CD70: variants seen among roughly 807,000 people sequenced by gnomAD.
CD70 encodes the protein CD70 molecule.
A neutral mutation model predicts 9.0 loss-of-function variants in CD70; 6 were observed. The observed-to-expected ratio is 0.67, with a 90% confidence interval of 0.37 to 1.32. The LOEUF is 1.32. Among genes scored for constraint, CD70 ranks in the 40% most tolerant of loss-of-function variants. The pLI, the probability that CD70 is intolerant of heterozygous loss-of-function variation, is 0.02. For synonymous variants in CD70, 108 were observed against 112.3 expected (o/e 0.96, Z 0.24); for missense variants, 235 against 258.7 (o/e 0.91, Z 0.63).
In CD70 at chr19:6,586,313, G is replaced by A. The variant is rs750046562; in HGVS notation, c.289C>T (p.Arg97Cys). ...ATGTAGATGCCATCACGATGGATAC[G>A]TAGCTGCCCCTTGTCCAGCTCTGGT... ...HGPELDKGQL[R>C]IHRDGIYMVH... The change falls in exon 3 of 3, where the codon CGT (arginine) becomes TGT (cysteine). Residue 97 changes from arginine to cysteine, a missense_variant. By Grantham distance (180) the Arg-to-Cys change is radical. Coordinates refer to ENST00000245903, the MANE Select transcript of CD70 (RefSeq NM_001252.5). The A allele has an allele frequency of 8.7e-6, 14 of 1,613,558 alleles. No individual in the cohort carries two copies. The highest frequency in any genetic ancestry group is 1.7e-5 in the Admixed American group (1 of 59,994).
downstream of CD70, among the ~76,000 whole-genome samples, chr19:6,585,101 C>T (rs796872525): frequency 8.1e-4 from 124 of 152,228 alleles, no homozygotes; most frequent in African/African-American, 2.3e-3. Context: ...ATTCTCCTGC[C>T]TCAGCCTCCT....
At chr19:6,587,263 AGAGT>A (rs1247831518) in intron 2 of CD70, among the ~76,000 whole-genome samples, 2 of 148,292 alleles carry the variant, frequency 1.3e-5, no homozygotes, top group Non-Finnish European at 3.0e-5. Context: ...AGTGCACGAG[AGAGT>A]GAGAGAGAGC....
chr19:6,586,412 GCA>G lies in CD70; in HGVS notation c.197-9_197-8del. On this transcript the variant is annotated splice_polypyrimidine_tract_variant and splice_region_variant and intron_variant, in intron 2 of 2. Transcript: ENST00000245903. ...CTGGGGTCCTGCTGAGGTCCTGGGG[GCA>G]CAGGGTTAGAGGGATGAGAGGATGG... The G allele has an allele frequency of 6.2e-7, 1 of 1,602,802 alleles. No homozygotes were observed. Among genetic ancestry groups the G allele is most frequent in the African/African-American group, 1.3e-5 (1 of 74,856 alleles).
chr19:6,585,243 CA>C (rs768558885), downstream of CD70, among the ~76,000 whole-genome samples: 96 of 152,182 alleles, frequency 6.3e-4, no homozygotes, highest in African/African-American at 1.2e-3. Context: ...CCTGGCCTCC[CA>C]ACTCATTAGG....
intron 2 of CD70, 113 bp downstream of exon 2, chr19:6,589,990 C>T (rs1916121168): frequency 6.1e-6 from 5 of 825,810 alleles, no homozygotes; most frequent in South Asian, 1.5e-5. Context: ...TCTCTCCCTC[C>T]GTCTCTGTCT....
intron 2 of CD70, among the ~76,000 whole-genome samples, chr19:6,586,902 CAAAAAAAA>C (rs55803401): frequency 2.3e-5 from 2 of 85,330 alleles, no homozygotes; most frequent in Admixed American, 3.2e-4. Flanking sequence ...GAGAGAGAGA[CAAAAAAAA>C]AAAAAAAAAA....
At position 6,590,274 on chromosome 19, in the gene CD70, C is replaced by T. The variant is rs1443985877; in HGVS notation, c.163-138G>A. The T allele has an allele frequency of 7.3e-6, 5 of 687,194 alleles. No homozygotes were observed. The highest frequency in any genetic ancestry group is 2.3e-5 in the Admixed American group (1 of 42,824). The allele number at this position is 687,194 out of a possible 1,614,324, so 42.6% of individuals were successfully genotyped here. A position where few individuals can be genotyped will look rare whatever the true frequency, so the allele number is the denominator to read the frequency against. ...ACGGCGCGCACTGGTGATTTTATTT[C>T]ATTTTATTTTTTTTTACTCTTAAGA... On this transcript the variant is annotated intron_variant, in intron 1 of 2. Coordinates refer to ENST00000245903, the MANE Select transcript of CD70 (RefSeq NM_001252.5). This position sits in a 1 kb window ranked among gnomAD's most constrained non-coding sequence, Gnocchi z 5.3.
chr19:6,584,791 A>G (rs1915983817), downstream of CD70, among the ~76,000 whole-genome samples: 1 of 151,468 alleles, frequency 6.6e-6, no homozygotes, highest in Non-Finnish European at 1.5e-5. Context: ...GCTTGAGCCC[A>G]GGAGTTTGAG....
rs780891040 is a variant in CD70, at chr19:6,586,003, C to T, written c.*17G>A. ...AAAATAAAATAAAATTTAAAAAACC[C>T]TAATCAGCAGCAGTGGTCAGGGGCG... On this transcript the variant is annotated 3_prime_UTR_variant, in exon 3 of 3. Coordinates refer to ENST00000245903, the MANE Select transcript of CD70 (RefSeq NM_001252.5). 9 of 1,564,164 alleles carry T rather than the reference C, an allele frequency of 5.8e-6. No individual in the cohort carries two copies. The South Asian group carries it at 7.0e-5, about 12-fold the overall frequency.
At chr19:6,587,235 C>T (rs573821130) in intron 2 of CD70, among the ~76,000 whole-genome samples, 7 of 135,996 alleles carry the variant, frequency 5.1e-5, no homozygotes, top group African/African-American at 1.4e-4. Flanking sequence ...AGAGAGAGGA[C>T]GAGAGAGCTT....
At chr19:6,584,492 C>T (rs888918490), downstream of CD70, among the ~76,000 whole-genome samples, 11 of 140,944 alleles carry the variant, frequency 7.8e-5, no homozygotes, top group Admixed American at 2.8e-4. Context: ...GACAACAGGG[C>T]GAGACTCCAT....
chr19:6,585,579 C>T (rs540347951), downstream of CD70, among the ~76,000 whole-genome samples: 6 of 152,162 alleles, frequency 3.9e-5, no homozygotes, highest in South Asian at 2.1e-4. Flanking sequence ...TAGGCTCAAG[C>T]GATCTGCCTT....
At chr19:6,588,542 G>A (rs996425137) in intron 2 of CD70, among the ~76,000 whole-genome samples, 9 of 152,128 alleles carry the variant, frequency 5.9e-5, no homozygotes, top group African/African-American at 2.2e-4. Context: ...AGGAAGAAGC[G>A]TTCGAGAGAG....
rs1479143049 is a variant in CD70, at chr19:6,591,103, G to A, written c.-101C>T. 1.5e-6 allele frequency: 2 copies of A among 1,314,540 alleles called. No homozygotes were observed. Among genetic ancestry groups the A allele is most frequent in the South Asian group, 3.1e-5 (2 of 64,522 alleles). The allele number at this position is 1,314,540 out of a possible 1,614,324, so 81.4% of individuals were successfully genotyped here. A position where few individuals can be genotyped will look rare whatever the true frequency, so the allele number is the denominator to read the frequency against. On this transcript the variant is annotated 5_prime_UTR_variant, in exon 1 of 3. Coordinates refer to ENST00000245903, the MANE Select transcript of CD70 (RefSeq NM_001252.5). ...ACTGCAGCCCCCTCCCGGGGCTCCT[G>A]GGCGTCTACTTGCTTCAACCTGTCA...
chr19:6,591,053 G>C lies in CD70; in HGVS notation c.-51C>G, dbSNP rs1916148899. Reference sequence around the variant, plus strand: ...GCAGGAGGGGCGATGGGGGCGCGGAGCGCTGCCGAGAAGGAAGGAAGGAAA... The same window carrying C: ...GCAGGAGGGGCGATGGGGGCGCGGACCGCTGCCGAGAAGGAAGGAAGGAAA... On this transcript the variant is annotated 5_prime_UTR_variant, in exon 1 of 3. Transcript: ENST00000245903. The C allele has an allele frequency of 6.5e-7, 1 of 1,532,406 alleles. No homozygotes were observed. The highest frequency in any genetic ancestry group is 8.8e-7 in the Non-Finnish European group (1 of 1,141,364). The allele number at this position is 1,532,406 out of a possible 1,614,324, so 94.9% of individuals were successfully genotyped here.
Position 6,586,383 on chromosome 19 carries a change from T to C in CD70, c.219A>G (p.Leu73=). The C allele has an allele frequency of 1.2e-6, 2 of 1,610,798 alleles. No homozygotes were observed. The highest frequency in any genetic ancestry group is 1.7e-6 in the Non-Finnish European group (2 of 1,178,800). The change falls in exon 3 of 3, where the codon CTA becomes CTG. Residue 73 remains leucine (L), a synonymous_variant. Coordinates refer to ENST00000245903, the MANE Select transcript of CD70 (RefSeq NM_001252.5). ...CCAGTGCTGGGCCCCCCTGCCAGTA[T>C]AGCCTGGGGTCCTGCTGAGGTCCTG... The part of the protein sequence containing the change: ...NHTGPQQDPR[L]YWQGGPALGR...
chr19:6,589,531 A>G (rs1027688897), intron 2 of CD70, among the ~76,000 whole-genome samples: 3 of 151,900 alleles, frequency 2.0e-5, no homozygotes, highest in Admixed American at 6.6e-5. Flanking sequence ...CTGGGATTAC[A>G]GGTGCCTGCC....
chr19:6,582,124 G>C (rs531738521), downstream of CD70, among the ~76,000 whole-genome samples: 57 of 151,924 alleles, frequency 3.8e-4, no homozygotes, highest in African/African-American at 1.3e-3. Context: ...CTGCCTCCCG[G>C]GTTAAAGCGA....
chr19:6,584,393 G>A (rs980513688), downstream of CD70, among the ~76,000 whole-genome samples: 1 of 151,798 alleles, frequency 6.6e-6, no homozygotes, highest in Admixed American at 6.6e-5. Context: ...TGTAGTCCCA[G>A]ACTTGGGAGG....
Sources: gnomAD v4.1 joint callset for allele counts (sites outside exome capture counted in the v4.1 genomes callset) on GRCh38, gnomAD v4.1.1 for gene constraint, Gnocchi (gnomAD v3.1) non-coding constraint, MANE v1.5 for transcripts, NCBI Gene and HGNC (gene_info 2026-07-23, HGNC 2026-07-21) for gene names.